Variants in GLDC observed in about 807,000 individuals in gnomAD.
The protein encoded by GLDC is glycine decarboxylase, also known as glycine dehydrogenase (decarboxylating), mitochondrial.
A neutral mutation model predicts 121.3 loss-of-function variants in GLDC; 104 were observed. The ratio of observed to expected loss-of-function variants is 0.86; its 90% confidence interval spans 0.73 to 1.01. The LOEUF (loss-of-function observed/expected upper bound fraction) is 1.01, where lower values mean the gene tolerates loss of function less well. GLDC is among the 50% of genes least tolerant of loss of function. GLDC has a pLI of 0.00. For missense variants in GLDC, 1,429 were observed against 1,306.6 expected, an observed-to-expected ratio of 1.09 and a Z score of -1.44; for synonymous variants, 546 against 480.6, an observed-to-expected ratio of 1.14 and a Z score of -1.78.
At chr9:6,542,724 A>C (rs2129674313) in intron 21 of GLDC, among the ~76,000 whole-genome samples, 1 of 151,852 alleles carries the variant, frequency 6.6e-6, no homozygotes, top group Admixed American at 6.6e-5. Flanking sequence ...TGTTTCTACA[A>C]AAAAACAAAA....
chr9:6,631,611 A>G (rs934854), intron 2 of GLDC, among the ~76,000 whole-genome samples: 51,053 of 152,056 alleles, frequency 0.34, 9,437 homozygotes, highest in East Asian at 0.51. Flanking sequence ...TGAGTTTGAA[A>G]TGAGAATCAG....
rs386833542 is a variant in GLDC, at chr9:6,556,173, C to T, written c.2182G>A (p.Gly728Arg). Residue 728 changes from glycine to arginine, a missense_variant, in exon 18 of 25, where the codon GGG (glycine) becomes AGG (arginine). Physicochemically the swap from Gly to Arg is moderately radical, Grantham distance 125. Transcript: ENST00000321612. ...CCCACCTGAGCATTCATATTTGCCC[C>T]GTCTAGGTAGACCTGTCCTCCATGT... Reference protein sequence around the residue: ...HQHGGQVYLDGANMNAQVGIC... With the variant: ...HQHGGQVYLDRANMNAQVGIC... 4 of 1,613,146 alleles carry T rather than the reference C, an allele frequency of 2.5e-6. No homozygotes were observed. Among genetic ancestry groups the T allele is most frequent in the East Asian group, 2.2e-5 (1 of 44,876 alleles).
At chr9:6,607,480 G>A (rs970673444) in intron 4 of GLDC, among the ~76,000 whole-genome samples, 3 of 151,944 alleles carry the variant, frequency 2.0e-5, no homozygotes, top group Admixed American at 6.6e-5. Context: ...TACTCGGGAG[G>A]ATGAGGCAGG....
intron 16 of GLDC, among the ~76,000 whole-genome samples, chr9:6,562,899 C>A (rs1817786267): frequency 6.6e-6 from 1 of 152,170 alleles, no homozygotes; most frequent in Admixed American, 6.6e-5. Flanking sequence ...CCAACATTTC[C>A]AGGCTAATGA....
At chr9:6,602,053 AGC>A in intron 8 of GLDC, 54 bp downstream of exon 8, 1 of 997,106 alleles carries the variant, frequency 1.0e-6, no homozygotes. Context: ...ATGAATGAGT[AGC>A]TCATTTCTGT....
chr9:6,636,634 G>A (rs1281138007), intron 2 of GLDC, among the ~76,000 whole-genome samples: 2 of 151,914 alleles, frequency 1.3e-5, no homozygotes, highest in Non-Finnish European at 2.9e-5. Context: ...AAATTAGCCG[G>A]GCATGGTGGC....
intron 21 of GLDC, among the ~76,000 whole-genome samples, chr9:6,546,331 T>C (rs533483234): frequency 4.9e-4 from 75 of 151,540 alleles, no homozygotes; most frequent in African/African-American, 1.8e-3. Context: ...TAGCTGGGAC[T>C]ACAGGTGTGC....
chr9:6,595,876 A>G (rs1469973797), intron 8 of GLDC, among the ~76,000 whole-genome samples: 1 of 152,212 alleles, frequency 6.6e-6, no homozygotes, highest in East Asian at 1.9e-4. Context: ...TGTTAGGTAC[A>G]TCTTTTTTTC....
intron 22 of GLDC, among the ~76,000 whole-genome samples, chr9:6,539,537 T>G (rs1817209999): frequency 6.6e-6 from 1 of 152,204 alleles, no homozygotes; most frequent in Non-Finnish European, 1.5e-5. Flanking sequence ...CATTGTTCAC[T>G]AGGAAAATGT....
At chr9:6,566,700 A>T (rs571954976) in intron 15 of GLDC, among the ~76,000 whole-genome samples, 1 of 152,366 alleles carries the variant, frequency 6.6e-6, no homozygotes, top group African/African-American at 2.4e-5. Flanking sequence ...TGAGTAATAG[A>T]TGTATCAGTC....
At chr9:6,602,082 A>G in intron 8 of GLDC, 27 bp downstream of exon 8, 1 of 1,305,134 alleles carries the variant, frequency 7.7e-7, no homozygotes, top group Non-Finnish European at 1.1e-6. Flanking sequence ...TAAGGCATTC[A>G]GTAGTCAGGT....
At chr9:6,594,278 T>C (rs1223101982) in intron 9 of GLDC, among the ~76,000 whole-genome samples, 1 of 152,226 alleles carries the variant, frequency 6.6e-6, no homozygotes, top group East Asian at 1.9e-4. Flanking sequence ...TTACATTTAA[T>C]GTCTTTTGCC....
chr9:6,622,367 G>C (rs113610614), intron 2 of GLDC, among the ~76,000 whole-genome samples: 20,516 of 147,580 alleles, frequency 0.14, 1,534 homozygotes, highest in South Asian at 0.29. Context: ...TCAGCCTGAC[G>C]AGTGCCTGCG....
intron 2 of GLDC, among the ~76,000 whole-genome samples, chr9:6,622,400 C>T (rs953098238): frequency 6.7e-6 from 1 of 149,766 alleles, no homozygotes; most frequent in Non-Finnish European, 1.5e-5. Flanking sequence ...CGCCGCCACG[C>T]CTGACTGGTT....
At chr9:6,622,898 G>C (rs143360834) in intron 2 of GLDC, 64,781 of 193,278 alleles carry the variant, frequency 0.34, 12,769 homozygotes, top group African/African-American at 0.56. Flanking sequence ...CCCGCCGCCC[G>C]GTCTGGGATG....
intron 2 of GLDC, among the ~76,000 whole-genome samples, chr9:6,637,758 T>C (rs1235431273): frequency 1.3e-5 from 2 of 152,150 alleles, no homozygotes; most frequent in African/African-American, 4.8e-5. Context: ...TGAGCCACTG[T>C]GCCCAGCCAA....
At chr9:6,599,578 G>A (rs961062982) in intron 8 of GLDC, among the ~76,000 whole-genome samples, 4 of 151,132 alleles carry the variant, frequency 2.6e-5, no homozygotes, top group Admixed American at 1.3e-4. Context: ...AAAATTAGTT[G>A]GGCATGGTGG....
intron 2 of GLDC, among the ~76,000 whole-genome samples, chr9:6,644,029 CAA>C (rs531081758): frequency 0.036 from 648 of 18,242 alleles, 1 homozygote; most frequent in African/African-American, 0.12. Flanking sequence ...GATTCTGTCT[CAA>C]AAAAAAAAAA....
chr9:6,549,110 C>G (rs1271509809), intron 21 of GLDC, among the ~76,000 whole-genome samples: 3 of 152,166 alleles, frequency 2.0e-5, no homozygotes. Flanking sequence ...TTTTAAGACT[C>G]ATAATTTAAA....
Sources: allele counts gnomAD v4.1 joint callset (sites outside exome capture counted in the v4.1 genomes callset), GRCh38; gene constraint gnomAD v4.1.1; transcripts MANE v1.5; gene names NCBI Gene and HGNC (gene_info 2026-07-23, HGNC 2026-07-21).